The following SOX6 variants were observed in gnomAD, a reference collection of about 807,000 sequenced individuals.
The protein encoded by SOX6 is transcription factor SOX-6.
SOX6 carries 11 observed loss-of-function variants against 97.8 expected under a neutral mutation model. The observed-to-expected ratio is 0.11, with a 90% CI of 0.07 to 0.19. The LOEUF is 0.19. Ranked by LOEUF, SOX6 falls within the 10% of genes least tolerant of loss-of-function variation. The pLI, the probability that SOX6 is intolerant of heterozygous loss-of-function variation, is 1.00. For missense variants in SOX6, 810 were observed against 1,039.5 expected, an observed-to-expected ratio of 0.78 and a Z score of 3.04; for synonymous variants, 360 against 371.4, an observed-to-expected ratio of 0.97 and a Z score of 0.35.
intron 4 of SOX6, among the ~76,000 whole-genome samples, chr11:16,530,628 GA>G: frequency 6.6e-6 from 1 of 151,994 alleles, no homozygotes; most frequent in East Asian, 1.9e-4. Flanking sequence ...TGATTAAAGT[GA>G]TAAGACTTAG....
intron 1 of SOX6, among the ~76,000 whole-genome samples, chr11:16,401,005 A>G (rs986777823): frequency 3.3e-5 from 5 of 151,544 alleles, no homozygotes; most frequent in African/African-American, 1.2e-4. Context: ...GTGTTTGCAT[A>G]AAGCACAAAT....
At chr11:16,526,134 G>T (rs1363146746) in intron 4 of SOX6, among the ~76,000 whole-genome samples, 1 of 152,152 alleles carries the variant, frequency 6.6e-6, no homozygotes, top group Non-Finnish European at 1.5e-5. Flanking sequence ...CCATTCCTGG[G>T]TATATACCCA....
At chr11:16,174,879 C>T (rs1272383876) in intron 6 of SOX6, among the ~76,000 whole-genome samples, 1 of 151,930 alleles carries the variant, frequency 6.6e-6, no homozygotes, top group Admixed American at 6.6e-5. Flanking sequence ...AATAGCAAAG[C>T]CCATTTTAGT....
At position 16,127,781 on chromosome 11, in the gene SOX6, C is replaced by T. The variant is rs1287481473; in HGVS notation, c.778-15858G>A. On this transcript the variant is annotated intron_variant, in intron 6 of 15. Transcript: ENST00000683767. ...TAAACAAGCTGAATCCATGGGGTCT[C>T]CCTCAAACAGCATGGATAATGAGGG... Among the ~76,000 whole-genome samples, 5 of 152,082 alleles carry T rather than the reference C, an allele frequency of 3.3e-5. No individual in the cohort carries two copies. In the East Asian group the frequency reaches 9.6e-4, roughly 29 times the overall value.
chr11:16,588,933 G>A (rs1469364469), intron 4 of SOX6, among the ~76,000 whole-genome samples: 2 of 152,194 alleles, frequency 1.3e-5, no homozygotes, highest in Non-Finnish European at 2.9e-5. Context: ...GCTGAGGCAG[G>A]AGGATCACTT....
intron 4 of SOX6, among the ~76,000 whole-genome samples, chr11:16,580,287 C>A (rs914833350): frequency 6.6e-6 from 1 of 152,050 alleles, no homozygotes; most frequent in Non-Finnish European, 1.5e-5. Flanking sequence ...CTTTAAAAAT[C>A]TTTCCAAAAG....
chr11:16,624,453 G>A (rs1037782988), intron 3 of SOX6, among the ~76,000 whole-genome samples: 1 of 152,130 alleles, frequency 6.6e-6, no homozygotes, highest in African/African-American at 2.4e-5. Flanking sequence ...TGGGATTACA[G>A]GCATGAGCCA....
Position 16,732,808 on chromosome 11 carries a change from G to A in SOX6, n.353+3531C>T, listed in dbSNP as rs141992591. 3.6e-3 allele frequency among the ~76,000 whole-genome samples: 552 copies of A among 152,288 alleles called. 4 individuals are homozygous for A. Among genetic ancestry groups the A allele is most frequent in the Non-Finnish European group, 5.9e-3 (403 of 68,028 alleles). On this transcript the variant is annotated intron_variant and non_coding_transcript_variant, in intron 2 of 5. Coordinates refer to the SOX6 transcript ENST00000524520. ...CATTGCAGTGAACAGGCAACCTACA[G>A]AATGGGAGAAAAATTTTTGCAATCT...
intron 3 of SOX6, among the ~76,000 whole-genome samples, chr11:16,255,728 A>G (rs1463250072): frequency 1.3e-5 from 2 of 151,862 alleles, no homozygotes; most frequent in Non-Finnish European, 2.9e-5. Context: ...AATGAAAACT[A>G]GACCTGAAGT....
chr11:16,551,348 C>A (rs1847684031), intron 4 of SOX6, among the ~76,000 whole-genome samples: 1 of 151,946 alleles, frequency 6.6e-6, no homozygotes, highest in African/African-American at 2.4e-5. Flanking sequence ...GACCCTGTCT[C>A]ATTAAAATAA....
rs1219575937 is a variant in SOX6, at chr11:16,610,978, C to G, written n.609+1103G>C. Among the ~76,000 whole-genome samples the G allele has an allele frequency of 6.6e-6, 1 of 152,180 alleles. No homozygotes were observed. Among genetic ancestry groups the G allele is most frequent in the African/African-American group, 2.4e-5 (1 of 41,436 alleles). On this transcript the variant is annotated intron_variant and non_coding_transcript_variant, in intron 4 of 5. Transcript: ENST00000524520. This position sits in a 1 kb window ranked among gnomAD's most constrained non-coding sequence, Gnocchi z 4.4. The stretch of plus-strand genomic sequence containing the variant: ...GGAGCCCCACGCGGCGCAAGAACCC[C>G]GGGCGCTGAGCTCCGGGGAACCTGG...
At chr11:16,211,459 T>TTA (rs77747880) in intron 4 of SOX6, among the ~76,000 whole-genome samples, 5 of 149,968 alleles carry the variant, frequency 3.3e-5, no homozygotes, top group South Asian at 4.2e-4. Context: ...AGAGTTAAAT[T>TTA]AAAAAAAAAA....
chr11:15,994,142 A>T (rs1854151627), intron 13 of SOX6, among the ~76,000 whole-genome samples: 1 of 152,232 alleles, frequency 6.6e-6, no homozygotes, highest in Non-Finnish European at 1.5e-5. Flanking sequence ...GAAGACACAT[A>T]AATTAAAAAT....
intron 1 of SOX6, among the ~76,000 whole-genome samples, chr11:16,462,260 T>C (rs779802942): frequency 3.9e-5 from 6 of 152,266 alleles, no homozygotes; most frequent in Non-Finnish European, 7.3e-5. Flanking sequence ...CAGGCCAGCC[T>C]GCTTCAAACA....
At chr11:16,738,437 C>G (rs1309335491) in exon 1 of SOX6, 6 of 397,902 alleles carry the variant, frequency 1.5e-5, no homozygotes, top group South Asian at 2.9e-5. Flanking sequence ...CCATACACAT[C>G]CGCGGGAACG....
At chr11:16,182,114 A>G (rs1455109) in intron 6 of SOX6, among the ~76,000 whole-genome samples, 83,084 of 151,586 alleles carry the variant, frequency 0.55, 23,183 homozygotes, top group East Asian at 0.75. Flanking sequence ...CACACTAAAA[A>G]TATTTCATTA....
At chr11:16,352,461 G>A (rs1390309748) in intron 1 of SOX6, among the ~76,000 whole-genome samples, 1 of 152,024 alleles carries the variant, frequency 6.6e-6, no homozygotes, top group Non-Finnish European at 1.5e-5. Context: ...CATTATCCCT[G>A]TTTACTGATA....
intron 2 of SOX6, among the ~76,000 whole-genome samples, chr11:16,338,848 C>T (rs1215026335): frequency 6.6e-6 from 1 of 151,844 alleles, no homozygotes; most frequent in Non-Finnish European, 1.5e-5. Context: ...ATTTTTAAGA[C>T]AAAATTTTAG....
At chr11:16,638,302 T>C (rs1294031465) in intron 3 of SOX6, among the ~76,000 whole-genome samples, 2 of 152,126 alleles carry the variant, frequency 1.3e-5, no homozygotes, top group African/African-American at 4.8e-5. Context: ...ATCCAGTCTA[T>C]CATTGTTGGA....
Sources: allele counts gnomAD v4.1 joint callset (sites outside exome capture counted in the v4.1 genomes callset), GRCh38; gene constraint gnomAD v4.1.1; non-coding constraint Gnocchi (gnomAD v3.1); transcripts MANE v1.5; gene names NCBI Gene and HGNC (gene_info 2026-07-23, HGNC 2026-07-21).